Variants in SSBP2 observed in about 807,000 individuals in gnomAD.
The protein encoded by SSBP2 is single stranded DNA binding protein 2.
SSBP2 carries 17 observed loss-of-function variants against 61.8 expected under a neutral mutation model. That is an observed-to-expected ratio of 0.28 (90% CI 0.19 to 0.41). The LOEUF (loss-of-function observed/expected upper bound fraction) is 0.41. Ranked by LOEUF, SSBP2 falls within the 10% of genes least tolerant of loss-of-function variation. SSBP2 has a pLI of 1.00. For synonymous variants in SSBP2, 139 were observed against 141.3 expected (o/e 0.98, Z 0.12); for missense variants, 310 against 458.7 (o/e 0.68, Z 2.96).
At chr5:81,721,338 A>G (rs1390873884) in intron 1 of SSBP2, among the ~76,000 whole-genome samples, 1 of 152,130 alleles carries the variant, frequency 6.6e-6, no homozygotes, top group African/African-American at 2.4e-5. Flanking sequence ...CTTCCAACAC[A>G]GACAACAAGC....
At chr5:81,648,551 G>C in intron 2 of SSBP2, among the ~76,000 whole-genome samples, 1 of 152,036 alleles carries the variant, frequency 6.6e-6, no homozygotes, top group East Asian at 1.9e-4. Context: ...GGGAACTATT[G>C]GCAATGAGTT....
intron 4 of SSBP2, among the ~76,000 whole-genome samples, chr5:81,597,306 T>C (rs1286723195): frequency 6.6e-6 from 1 of 152,048 alleles, no homozygotes; most frequent in Non-Finnish European, 1.5e-5. Context: ...AAAACCACAA[T>C]GAGATACCAT....
chr5:81,585,666 T>G (rs1240927766), intron 4 of SSBP2, among the ~76,000 whole-genome samples: 2 of 152,168 alleles, frequency 1.3e-5, no homozygotes, highest in Non-Finnish European at 2.9e-5. Flanking sequence ...TATTTTGGTG[T>G]TAAGAACACT....
chr5:81,652,787 G>T (rs1011088880), intron 1 of SSBP2, among the ~76,000 whole-genome samples: 1 of 151,818 alleles, frequency 6.6e-6, no homozygotes, highest in Non-Finnish European at 1.5e-5. Context: ...TTGGGAACGA[G>T]CTGTGTTTGA....
intron 5 of SSBP2, among the ~76,000 whole-genome samples, chr5:81,498,325 T>C (rs1767442721): frequency 6.6e-6 from 1 of 152,088 alleles, no homozygotes; most frequent in East Asian, 1.9e-4. Context: ...TTATCTTCAG[T>C]AATTATATTA....
At chr5:81,461,798 T>C (rs1005231019) in intron 9 of SSBP2, among the ~76,000 whole-genome samples, 15 of 152,148 alleles carry the variant, frequency 9.9e-5, no homozygotes, top group Non-Finnish European at 1.5e-4. Flanking sequence ...AAGGAGAATG[T>C]TCTGTATTCC....
At chr5:81,560,379 G>A (rs936078423) in intron 4 of SSBP2, among the ~76,000 whole-genome samples, 2 of 152,068 alleles carry the variant, frequency 1.3e-5, no homozygotes, top group Non-Finnish European at 2.9e-5. Flanking sequence ...CTGCCAAAGG[G>A]TTGCAGGAAA....
intron 4 of SSBP2, among the ~76,000 whole-genome samples, chr5:81,583,629 CAAAA>C (rs56294944): frequency 1.3e-5 from 1 of 77,380 alleles, no homozygotes; most frequent in South Asian, 4.6e-4. Context: ...GACACCGTCT[CAAAA>C]AAAAAAAAAA....
Position 81,428,587 on chromosome 5 carries a change from T to G in SSBP2, c.1054A>C (p.Ser352Arg). The change falls in exon 16 of 17, where the codon AGT (serine) becomes CGT (arginine). Residue 352 changes from serine (S) to arginine (R), a missense_variant and splice_region_variant. Physicochemically the swap from Ser to Arg is moderately radical, Grantham distance 110 (BLOSUM62 -1). Transcript: ENST00000320672. ...AATATAGTCAAGGGAATACTTACAC[T>G]CTCACTCTGAAAAGGATTTAAGAAA... The G allele has an allele frequency of 6.2e-7, 1 of 1,610,854 alleles. No individual in the cohort carries two copies. Among genetic ancestry groups the G allele is most frequent in the Non-Finnish European group, 8.5e-7 (1 of 1,177,332 alleles).
intron 2 of SSBP2, among the ~76,000 whole-genome samples, chr5:81,649,487 T>C (rs1209891753): frequency 1.3e-5 from 2 of 152,074 alleles, no homozygotes; most frequent in African/African-American, 4.8e-5. Flanking sequence ...TGGATTAAGC[T>C]GGAGGCCATA....
At chr5:81,708,989 T>C (rs1460776019) in intron 1 of SSBP2, among the ~76,000 whole-genome samples, 2 of 152,036 alleles carry the variant, frequency 1.3e-5, no homozygotes, top group South Asian at 2.1e-4. Flanking sequence ...ATGTTGAATA[T>C]AGGCTAAAGG....
chr5:81,560,273 T>C (rs1282547467), intron 4 of SSBP2, among the ~76,000 whole-genome samples: 1 of 152,182 alleles, frequency 6.6e-6, no homozygotes, highest in Admixed American at 6.5e-5. Flanking sequence ...TCTTAAAATA[T>C]CAAGTCCTTC....
At chr5:81,568,703 A>G (rs1773622311) in intron 4 of SSBP2, among the ~76,000 whole-genome samples, 1 of 152,206 alleles carries the variant, frequency 6.6e-6, no homozygotes, top group South Asian at 2.1e-4. Context: ...TGAGCCATTC[A>G]CATATGTATA....
At chr5:81,659,298 G>T (rs776523777) in intron 1 of SSBP2, among the ~76,000 whole-genome samples, 3 of 152,132 alleles carry the variant, frequency 2.0e-5, no homozygotes, top group African/African-American at 7.2e-5. Context: ...TCCTTAAGCT[G>T]ATAAGCAACT....
intron 4 of SSBP2, among the ~76,000 whole-genome samples, chr5:81,585,268 C>T (rs536663673): frequency 6.6e-6 from 1 of 152,140 alleles, no homozygotes; most frequent in East Asian, 1.9e-4. Context: ...TTCTACCTCT[C>T]CTTATACTAC....
intron 4 of SSBP2, among the ~76,000 whole-genome samples, chr5:81,595,697 C>G (rs1250836013): frequency 6.6e-6 from 1 of 152,146 alleles, no homozygotes; most frequent in Non-Finnish European, 1.5e-5. Context: ...ATATGCAAAT[C>G]AATAAATGTA....
intron 3 of SSBP2, chr5:81,616,258 G>A: frequency 6.7e-6 from 1 of 148,226 alleles, no homozygotes; most frequent in Non-Finnish European, 1.5e-5. Flanking sequence ...CCGTGCGCGA[G>A]CCGAAGCAGG....
At chr5:81,565,946 A>C (rs1171379115) in intron 4 of SSBP2, among the ~76,000 whole-genome samples, 2 of 152,212 alleles carry the variant, frequency 1.3e-5, no homozygotes, top group Non-Finnish European at 2.9e-5. Flanking sequence ...TCTTAAAAAA[A>C]TATTCAATTC....
intron 10 of SSBP2, among the ~76,000 whole-genome samples, chr5:81,459,467 G>C (rs375638294): frequency 1.3e-5 from 2 of 152,080 alleles, no homozygotes; most frequent in Non-Finnish European, 2.9e-5. Context: ...GCCTACAATG[G>C]CAGTAAAGGG....
Sources: gnomAD v4.1 joint callset for allele counts (sites outside exome capture counted in the v4.1 genomes callset) on GRCh38, gnomAD v4.1.1 for gene constraint, MANE v1.5 for transcripts, NCBI Gene and HGNC (gene_info 2026-07-23, HGNC 2026-07-21) for gene names.